Variants in ADAMTS14 observed in about 807,000 individuals in gnomAD.
The protein encoded by ADAMTS14 is ADAM metallopeptidase with thrombospondin type 1 motif 14.
In ADAMTS14, 100 loss-of-function variants were observed where a neutral mutation model predicts 128.6. That is an observed-to-expected ratio of 0.78 (90% CI 0.66 to 0.92). ADAMTS14 has a LOEUF of 0.92. Among genes scored for constraint, ADAMTS14 ranks in the 40% least tolerant of loss-of-function variants. ADAMTS14 has a pLI of 0.00. For missense variants in ADAMTS14, 1,562 were observed against 1,658.6 expected, an observed-to-expected ratio of 0.94 and a Z score of 1.01; for synonymous variants, 665 against 653.8, an observed-to-expected ratio of 1.02 and a Z score of -0.26.
chr10:70,683,851 C>T (rs1260917962), intron 2 of ADAMTS14, among the ~76,000 whole-genome samples: 1 of 152,116 alleles, frequency 6.6e-6, no homozygotes. Flanking sequence ...GGCCAGTTAT[C>T]CTCCAGTAGG....
intron 6 of ADAMTS14, among the ~76,000 whole-genome samples, chr10:70,731,422 C>T (rs1589310548): frequency 6.6e-6 from 1 of 152,338 alleles, no homozygotes; most frequent in South Asian, 2.1e-4. Flanking sequence ...TTCAGCTCCT[C>T]TAACATGAAG....
At chr10:70,749,721 G>A (rs1478806473) in intron 15 of ADAMTS14, 101 bp from the exon 16 acceptor site, 2 of 1,410,656 alleles carry the variant, frequency 1.4e-6, no homozygotes, top group East Asian at 5.0e-5. Flanking sequence ...GTGGACAGGA[G>A]CCCAGAAGGC....
Position 70,702,426 on chromosome 10 carries a change from C to T in ADAMTS14, c.637C>T (p.Gln213Ter). Residue 213 changes from glutamine (Q) to a stop codon, truncating the protein, a stop_gained, in exon 3 of 22, where the codon CAG becomes TAG. Coordinates refer to ENST00000373207, the MANE Select transcript of ADAMTS14 (RefSeq NM_080722.4). LOFTEE classifies it high-confidence loss of function. ...THVVYRREAV[Q>*]QEWAEPDGDL... ...TGTGGTGTACCGCCGGGAGGCCGTCCAGCAGGAGTGGGCAGAACCTGACGG... is the reference window on the plus strand; with the variant it reads ...TGTGGTGTACCGCCGGGAGGCCGTCTAGCAGGAGTGGGCAGAACCTGACGG... 6.2e-7 allele frequency: 1 copy of T among 1,613,486 alleles called. No homozygotes were observed. Among genetic ancestry groups the T allele is most frequent in the South Asian group, 1.1e-5 (1 of 90,966 alleles).
At chr10:70,760,295 G>C (rs1842575163) in intron 21 of ADAMTS14, 65 bp from the exon 22 acceptor site, 1 of 1,501,646 alleles carries the variant, frequency 6.7e-7, no homozygotes, top group African/African-American at 1.4e-5. Context: ...AGTGGGAGGG[G>C]GGGCCACCTG....
chr10:70,676,612 G>A (rs542119199), intron 2 of ADAMTS14, among the ~76,000 whole-genome samples: 47 of 152,306 alleles, frequency 3.1e-4, no homozygotes, highest in African/African-American at 1.1e-3. Context: ...TCCTGAGAGC[G>A]GACTTCGAGA....
intron 19 of ADAMTS14, among the ~76,000 whole-genome samples, chr10:70,757,201 G>C (rs1466441940): frequency 6.6e-6 from 1 of 151,996 alleles, no homozygotes; most frequent in Non-Finnish European, 1.5e-5. Flanking sequence ...GTTTGTCAGA[G>C]TTAGAGTGGG....
At chr10:70,742,045 AG>A (rs912373441) in intron 12 of ADAMTS14, among the ~76,000 whole-genome samples, 36 of 152,274 alleles carry the variant, frequency 2.4e-4, no homozygotes, top group African/African-American at 8.2e-4. Context: ...CAGAACTGTC[AG>A]CTCTTCAGCT....
chr10:70,753,916 C>A lies in ADAMTS14; in HGVS notation c.2846C>A (p.Ala949Asp). The A allele has an allele frequency of 6.3e-7, 1 of 1,591,228 alleles. No homozygotes were observed. Among genetic ancestry groups the A allele is most frequent in the Non-Finnish European group, 8.5e-7 (1 of 1,169,862 alleles). Residue 949 changes from alanine (A) to aspartate (D), a missense_variant, in exon 19 of 22, where the codon GCC becomes GAC. Physicochemically the swap from Ala to Asp is moderately radical, Grantham distance 126 (BLOSUM62 -2). Coordinates refer to ENST00000373207, the MANE Select transcript of ADAMTS14 (RefSeq NM_080722.4). ...LSNGTHKVMP[A>D]KACAGDRPEA... Reference sequence around the variant, plus strand: ...AATGGAACCCACAAGGTCATGCCGGCCAAAGCCTGCGCCGGGGACCGGCCT... The same window carrying A: ...AATGGAACCCACAAGGTCATGCCGGACAAAGCCTGCGCCGGGGACCGGCCT...
intron 2 of ADAMTS14, among the ~76,000 whole-genome samples, chr10:70,701,204 A>C (rs1423797403): frequency 2.6e-5 from 4 of 152,252 alleles, no homozygotes; most frequent in African/African-American, 9.6e-5. Flanking sequence ...ATGCAGCCTC[A>C]GAACAGAAGG....
chr10:70,710,587 G>A (rs1304396411), intron 4 of ADAMTS14, among the ~76,000 whole-genome samples: 1 of 152,238 alleles, frequency 6.6e-6, no homozygotes, highest in African/African-American at 2.4e-5. Context: ...TTGTGCTACG[G>A]CACTAAGAGG....
intron 10 of ADAMTS14, among the ~76,000 whole-genome samples, chr10:70,737,006 A>C (rs1412592516): frequency 6.6e-6 from 1 of 152,178 alleles, no homozygotes; most frequent in Non-Finnish European, 1.5e-5. Context: ...CCCAGCCCAC[A>C]GCCCTTTGTC....
At chr10:70,752,346 C>A in intron 18 of ADAMTS14, 119 bp downstream of exon 18, 1 of 1,397,256 alleles carries the variant, frequency 7.2e-7, no homozygotes, top group Non-Finnish European at 9.5e-7. Context: ...ACCATACAGG[C>A]AACACAACTT....
chr10:70,705,108 A>G (rs565618199), intron 3 of ADAMTS14, among the ~76,000 whole-genome samples: 2 of 152,114 alleles, frequency 1.3e-5, no homozygotes, highest in South Asian at 4.1e-4. Context: ...AATGAGCCCC[A>G]GAGAAGAGTT....
At chr10:70,679,700 G>A (rs575254066) in intron 2 of ADAMTS14, among the ~76,000 whole-genome samples, 1 of 152,366 alleles carries the variant, frequency 6.6e-6, no homozygotes, top group Non-Finnish European at 1.5e-5. Context: ...TTTGCCTTCA[G>A]TGCCTCTGTG....
At chr10:70,745,005 A>G (rs971578114) in intron 14 of ADAMTS14, among the ~76,000 whole-genome samples, 1 of 152,090 alleles carries the variant, frequency 6.6e-6, no homozygotes, top group African/African-American at 2.4e-5. Context: ...TCTCACACAC[A>G]CGGAGGCCCT....
intron 4 of ADAMTS14, among the ~76,000 whole-genome samples, chr10:70,722,040 C>T (rs1055843178): frequency 7.9e-5 from 12 of 152,180 alleles, no homozygotes; most frequent in African/African-American, 1.9e-4. Context: ...CCTGAAATGA[C>T]GAAGGCTGTG....
At chr10:70,742,621 T>C (rs568221293) in intron 12 of ADAMTS14, among the ~76,000 whole-genome samples, 26 of 152,276 alleles carry the variant, frequency 1.7e-4, no homozygotes, top group Non-Finnish European at 3.2e-4. Flanking sequence ...TCCAGATCCA[T>C]TCAGAAACCA....
chr10:70,702,267 G>T (rs1177600736), intron 2 of ADAMTS14, 45 bp from the exon 3 acceptor site: 1 of 1,612,808 alleles, frequency 6.2e-7, no homozygotes, highest in East Asian at 2.2e-5. Flanking sequence ...GTGTGTTCAT[G>T]CCTCTTATTT....
intron 15 of ADAMTS14, among the ~76,000 whole-genome samples, chr10:70,747,393 G>A (rs954991525): frequency 2.0e-5 from 3 of 152,030 alleles, no homozygotes; most frequent in African/African-American, 7.2e-5. Context: ...CTACCACAGC[G>A]AGCCCAGGTT....
Sources: allele counts gnomAD v4.1 joint callset (sites outside exome capture counted in the v4.1 genomes callset), GRCh38; gene constraint gnomAD v4.1.1; transcripts MANE v1.5; gene names NCBI Gene and HGNC (gene_info 2026-07-23, HGNC 2026-07-21).